The following FHIP1A variants were observed in gnomAD, a reference collection of about 807,000 sequenced individuals.
FHIP1A encodes FHF complex subunit HOOK-interacting protein 1A.
Under a neutral mutation model 88.6 loss-of-function variants are expected in FHIP1A, and 61 were observed. The ratio of observed to expected loss-of-function variants is 0.69; its 90% CI spans 0.56 to 0.85. The LOEUF (loss-of-function observed/expected upper bound fraction) is 0.85. Ranked by LOEUF, FHIP1A falls within the 40% of genes least tolerant of loss-of-function variation. The pLI is 0.00. For missense variants in FHIP1A, 1,154 were observed against 1,273.5 expected, an observed-to-expected ratio of 0.91 and a Z score of 1.43; for synonymous variants, 478 against 496.0, an observed-to-expected ratio of 0.96 and a Z score of 0.48.
intron 9 of FHIP1A, among the ~76,000 whole-genome samples, chr4:151,642,337 T>G (rs1419349730): frequency 6.6e-6 from 1 of 152,218 alleles, no homozygotes; most frequent in Non-Finnish European, 1.5e-5. Flanking sequence ...ATTGTCAGGT[T>G]TATGAACTGT....
intron 2 of FHIP1A, among the ~76,000 whole-genome samples, chr4:151,478,928 TC>T (rs1192025426): frequency 6.6e-6 from 1 of 152,138 alleles, no homozygotes; most frequent in African/African-American, 2.4e-5. Flanking sequence ...TGCTTTCTTT[TC>T]CTTCCCTTGT....
At chr4:151,592,665 C>G (rs188879755) in intron 7 of FHIP1A, among the ~76,000 whole-genome samples, 1 of 152,156 alleles carries the variant, frequency 6.6e-6, no homozygotes, top group African/African-American at 2.4e-5. Context: ...GATATTAGCC[C>G]TTTGTCAGAT....
Position 151,595,530 on chromosome 4 carries a change from A to G in FHIP1A, c.978+6604A>G, listed in dbSNP as rs192541062. On this transcript the variant is annotated intron_variant, in intron 7 of 13. Coordinates refer to ENST00000435205, the MANE Select transcript of FHIP1A (RefSeq NM_001109977.3). Reference sequence around the variant, plus strand: ...GGGGTGGAGAGTCCTGTAGATGTCTATTAGGTCTGCTTGGTCCAGAGCTGA... The same window carrying G: ...GGGGTGGAGAGTCCTGTAGATGTCTGTTAGGTCTGCTTGGTCCAGAGCTGA... Among the ~76,000 whole-genome samples the G allele has an allele frequency of 2.0e-3, 300 of 152,264 alleles. 1 individual carries two copies. The highest frequency in any genetic ancestry group is 6.4e-3 in the African/African-American group (267 of 41,568).
At chr4:151,553,202 A>G (rs1238239282) in intron 3 of FHIP1A, among the ~76,000 whole-genome samples, 1 of 152,244 alleles carries the variant, frequency 6.6e-6, no homozygotes, top group Non-Finnish European at 1.5e-5. Flanking sequence ...TATGAAGATC[A>G]ATGATTAATG....
At chr4:151,435,563 T>A (rs1243413825) in intron 1 of FHIP1A, among the ~76,000 whole-genome samples, 1 of 152,100 alleles carries the variant, frequency 6.6e-6, no homozygotes, top group Non-Finnish European at 1.5e-5. Flanking sequence ...GGCGGCTGGA[T>A]CACCTGAGGT....
chr4:151,411,852 T>C (rs1330101114), intron 1 of FHIP1A, among the ~76,000 whole-genome samples: 1 of 152,204 alleles, frequency 6.6e-6, no homozygotes, highest in African/African-American at 2.4e-5. Flanking sequence ...TTCATCCTTA[T>C]TTTTAGCAAC....
intron 2 of FHIP1A, among the ~76,000 whole-genome samples, chr4:151,469,940 T>C (rs1218875630): frequency 1.3e-5 from 2 of 152,186 alleles, no homozygotes; most frequent in African/African-American, 4.8e-5. Context: ...GTAACTTACA[T>C]TACACAGCCT....
intron 1 of FHIP1A, among the ~76,000 whole-genome samples, chr4:151,427,225 C>T (rs959978672): frequency 1.3e-5 from 2 of 152,016 alleles, no homozygotes; most frequent in Non-Finnish European, 2.9e-5. Flanking sequence ...TTTAAAAGTG[C>T]ACTTACTTAG....
At chr4:151,546,637 A>G (rs1732514916) in intron 3 of FHIP1A, among the ~76,000 whole-genome samples, 1 of 152,220 alleles carries the variant, frequency 6.6e-6, no homozygotes, top group Non-Finnish European at 1.5e-5. Flanking sequence ...TAGTGGAGAC[A>G]TCTAGGCTGA....
At chr4:151,462,689 A>T (rs1729181137) in intron 2 of FHIP1A, among the ~76,000 whole-genome samples, 1 of 152,194 alleles carries the variant, frequency 6.6e-6, no homozygotes, top group Admixed American at 6.5e-5. Flanking sequence ...AAATTTGATG[A>T]GCATAGTCCT....
intron 1 of FHIP1A, among the ~76,000 whole-genome samples, chr4:151,451,524 G>A (rs1728787819): frequency 6.6e-6 from 1 of 152,102 alleles, no homozygotes; most frequent in Non-Finnish European, 1.5e-5. Context: ...GGTCTTTGCT[G>A]TGCTATTCCT....
At chr4:151,616,105 A>T (rs955956191) in intron 7 of FHIP1A, among the ~76,000 whole-genome samples, 1 of 152,218 alleles carries the variant, frequency 6.6e-6, no homozygotes, top group Admixed American at 6.5e-5. Context: ...TGAAGCACTC[A>T]GTCTAGAGTA....
At position 151,666,806 on chromosome 4, in the gene FHIP1A, T is replaced by G. The variant is rs575241314; in HGVS notation, c.*4052T>G. Among the ~76,000 whole-genome samples, 2 of 152,340 alleles carry G rather than the reference T, an allele frequency of 1.3e-5. No individual in the cohort carries two copies. The highest frequency in any genetic ancestry group is 4.1e-4 in the South Asian group (2 of 4,834). On this transcript the variant is annotated 3_prime_UTR_variant, in exon 14 of 14. Coordinates refer to ENST00000435205, the MANE Select transcript of FHIP1A (RefSeq NM_001109977.3). ...AGCAGTCTGGACAAATCAAGTGCTTTAACGATGGCATCGTCCTCTGGGAAT... is the reference window on the plus strand; with the variant it reads ...AGCAGTCTGGACAAATCAAGTGCTTGAACGATGGCATCGTCCTCTGGGAAT...
At chr4:151,645,654 G>A (rs1423624692) in intron 9 of FHIP1A, among the ~76,000 whole-genome samples, 3 of 151,204 alleles carry the variant, frequency 2.0e-5, no homozygotes, top group Non-Finnish European at 4.4e-5. Context: ...ATTGGCTCCT[G>A]CACACATATG....
chr4:151,635,238 A>G (rs1235333091), intron 8 of FHIP1A, among the ~76,000 whole-genome samples: 2 of 151,882 alleles, frequency 1.3e-5, no homozygotes, highest in Non-Finnish European at 2.9e-5. Flanking sequence ...TGTTGGTGAG[A>G]ATGTGGAAAT....
chr4:151,419,104 T>G (rs1404223267), intron 1 of FHIP1A, among the ~76,000 whole-genome samples: 1 of 152,154 alleles, frequency 6.6e-6, no homozygotes, highest in African/African-American at 2.4e-5. Context: ...ACATTCTGGG[T>G]ATGTCTGTGA....
rs1159204459 is a variant in FHIP1A at position 151,592,165 on chromosome 4, C to T, written c.978+3239C>T. On this transcript the variant is annotated intron_variant, in intron 7 of 13. Coordinates refer to ENST00000435205, the MANE Select transcript of FHIP1A (RefSeq NM_001109977.3). ...CTTTTTTTTTTTTGAGACGGAGTCT[C>T]ACTCTGTCGCCCAGGCTGGAATGCA... 2.0e-5 allele frequency among the ~76,000 whole-genome samples: 3 copies of T among 152,028 alleles called. No homozygotes were observed. In the East Asian group the frequency reaches 5.8e-4, roughly 29 times the overall value.
At chr4:151,612,429 G>A (rs1184768504) in intron 7 of FHIP1A, among the ~76,000 whole-genome samples, 1 of 152,174 alleles carries the variant, frequency 6.6e-6, no homozygotes, top group African/African-American at 2.4e-5. Flanking sequence ...TGCTCAGGCT[G>A]GATTGCAGTG....
chr4:151,450,085 A>G (rs115787387), intron 1 of FHIP1A, among the ~76,000 whole-genome samples: 1,959 of 152,284 alleles, frequency 0.013, 45 homozygotes, highest in African/African-American at 0.045. Context: ...ATGAGCACAC[A>G]TTTCATAAAA....
Sources: gnomAD v4.1 joint callset for allele counts (sites outside exome capture counted in the v4.1 genomes callset) on GRCh38, gnomAD v4.1.1 for gene constraint, MANE v1.5 for transcripts, NCBI Gene and HGNC (gene_info 2026-07-23, HGNC 2026-07-21) for gene names.